The following PRKN variants were observed in gnomAD, a reference collection of about 807,000 sequenced individuals.
PRKN encodes parkin RBR E3 ubiquitin protein ligase.
A neutral mutation model predicts 59.5 loss-of-function variants in PRKN; 56 were observed. That is an observed-to-expected ratio of 0.94 (90% CI 0.76 to 1.18). The LOEUF is 1.18. Ranked by LOEUF, PRKN falls within the 50% of genes most tolerant of loss-of-function variation. The probability of loss-of-function intolerance (pLI) is 0.00; values close to 1 mark genes in which losing one functional copy is unlikely to be tolerated. For missense variants in PRKN, 657 were observed against 596.4 expected (o/e 1.10, Z -1.06); for synonymous variants, 250 against 222.1 (o/e 1.13, Z -1.12).
At chr6:161,678,540 T>C (rs1436835848) in intron 7 of PRKN, among the ~76,000 whole-genome samples, 1 of 151,616 alleles carries the variant, frequency 6.6e-6, no homozygotes, top group East Asian at 1.9e-4. Context: ...CAAAAAACCT[T>C]TAAATTCCAC....
At chr6:161,794,400 C>T (rs1456427364) in intron 6 of PRKN, among the ~76,000 whole-genome samples, 1 of 152,132 alleles carries the variant, frequency 6.6e-6, no homozygotes, top group Non-Finnish European at 1.5e-5. Flanking sequence ...GAGCGTCTGT[C>T]TGGCCAAGAC....
chr6:162,655,883 T>C (rs772895607), intron 1 of PRKN, among the ~76,000 whole-genome samples: 7 of 152,208 alleles, frequency 4.6e-5, no homozygotes, highest in Non-Finnish European at 8.8e-5. Flanking sequence ...AACTGACTTT[T>C]AATTATTCAT....
intron 2 of PRKN, among the ~76,000 whole-genome samples, chr6:162,284,215 CT>C (rs35609309): frequency 0.13 from 9,797 of 75,646 alleles, 732 homozygotes; most frequent in Middle Eastern, 0.28. Context: ...TTATTTCTTT[CT>C]TTTTTTTTTT....
intron 10 of PRKN, among the ~76,000 whole-genome samples, chr6:161,382,773 T>C (rs995449155): frequency 6.6e-6 from 1 of 152,204 alleles, no homozygotes; most frequent in East Asian, 1.9e-4. Flanking sequence ...AATTTTTGAG[T>C]TTGCTTTAAA....
At chr6:161,923,586 T>C (rs1306162914) in intron 6 of PRKN, among the ~76,000 whole-genome samples, 1 of 147,986 alleles carries the variant, frequency 6.8e-6, no homozygotes, top group Non-Finnish European at 1.5e-5. Context: ...TTATCAATTT[T>C]GTGAGATTTC....
Position 162,298,863 on chromosome 6 carries a change from C to A in PRKN, c.172-36098G>T, listed in dbSNP as rs146457906. On this transcript the variant is annotated intron_variant, in intron 2 of 11. Coordinates refer to ENST00000366898, the MANE Select transcript of PRKN (RefSeq NM_004562.3). ...GGTGGAGGAGGGGAGGGCTGGAAGC[C>A]TGGACCTCTGGGAGGTGCTGCCCCG... is the stretch of plus-strand genomic sequence containing the variant. 1.5e-3 allele frequency among the ~76,000 whole-genome samples: 235 copies of A among 152,250 alleles called. 4 individuals are homozygous for A. In the East Asian group the frequency reaches 0.024, roughly 16 times the overall value.
intron 2 of PRKN, among the ~76,000 whole-genome samples, chr6:162,358,696 A>G (rs1422165236): frequency 6.6e-6 from 1 of 152,164 alleles, no homozygotes; most frequent in African/African-American, 2.4e-5. Context: ...GCAGCATATC[A>G]TAAAGTGTCT....
chr6:162,251,906 T>G (rs1002615091), intron 3 of PRKN, among the ~76,000 whole-genome samples: 1 of 152,174 alleles, frequency 6.6e-6, no homozygotes, highest in Admixed American at 6.6e-5. Context: ...AGTTTTCCAT[T>G]TTTTACTAAT....
At chr6:162,716,680 C>T (rs1275224038) in intron 1 of PRKN, among the ~76,000 whole-genome samples, 2 of 151,808 alleles carry the variant, frequency 1.3e-5, no homozygotes, top group African/African-American at 4.8e-5. Context: ...CTTCTTTTGC[C>T]ACCTGAGAAA....
At chr6:162,264,998 T>G (rs560816401) in intron 2 of PRKN, among the ~76,000 whole-genome samples, 1 of 152,266 alleles carries the variant, frequency 6.6e-6, no homozygotes, top group East Asian at 1.9e-4. Context: ...TGATAATAGC[T>G]TTGTAATTAC....
chr6:162,022,271 T>C (rs1370101759), intron 5 of PRKN, among the ~76,000 whole-genome samples: 1 of 152,166 alleles, frequency 6.6e-6, no homozygotes, highest in Non-Finnish European at 1.5e-5. Context: ...CATAATGTTT[T>C]CCATAGAGGT....
At chr6:162,104,813 A>C (rs114635695) in intron 4 of PRKN, among the ~76,000 whole-genome samples, 1 of 152,210 alleles carries the variant, frequency 6.6e-6, no homozygotes, top group Non-Finnish European at 1.5e-5. Context: ...AGATATTTTT[A>C]AAGTAAATGC....
chr6:161,685,477 T>C (rs188358745), intron 7 of PRKN, among the ~76,000 whole-genome samples: 22 of 152,326 alleles, frequency 1.4e-4, no homozygotes, highest in Admixed American at 1.2e-3. Context: ...TTTTCAGACA[T>C]CTAACAGGTC....
intron 7 of PRKN, among the ~76,000 whole-genome samples, chr6:161,716,756 G>A (rs6925073): frequency 4.2e-4 from 64 of 152,300 alleles, no homozygotes; most frequent in Non-Finnish European, 7.5e-4. Context: ...GGAAGGCAGC[G>A]GCAATGCAGT....
intron 7 of PRKN, among the ~76,000 whole-genome samples, chr6:161,645,729 C>A (rs1361240883): frequency 1.3e-5 from 2 of 152,236 alleles, no homozygotes; most frequent in African/African-American, 4.8e-5. Flanking sequence ...AAGTGTCCAT[C>A]ACTTTGTATT....
chr6:161,966,939 C>A (rs1169450064), intron 6 of PRKN, among the ~76,000 whole-genome samples: 3 of 152,216 alleles, frequency 2.0e-5, no homozygotes, highest in African/African-American at 4.8e-5. Context: ...TCAAGCGATT[C>A]TCCTGCCTCA....
intron 1 of PRKN, among the ~76,000 whole-genome samples, chr6:162,500,145 A>G (rs968155399): frequency 1.8e-4 from 27 of 148,664 alleles, no homozygotes; most frequent in African/African-American, 6.7e-4. Context: ...CACACCAAAC[A>G]GCCACAAACA....
At chr6:161,831,986 A>G (rs961878233) in intron 6 of PRKN, among the ~76,000 whole-genome samples, 1 of 152,220 alleles carries the variant, frequency 6.6e-6, no homozygotes, top group African/African-American at 2.4e-5. Context: ...TCCAGGATCC[A>G]GCAACTGTCT....
chr6:162,602,980 A>G (rs1352232040), intron 1 of PRKN, among the ~76,000 whole-genome samples: 1 of 152,138 alleles, frequency 6.6e-6, no homozygotes, highest in Non-Finnish European at 1.5e-5. Context: ...TACCCATCAC[A>G]AGGACCGCAC....
Sources: allele counts gnomAD v4.1 joint callset (sites outside exome capture counted in the v4.1 genomes callset), GRCh38; gene constraint gnomAD v4.1.1; transcripts MANE v1.5; gene names NCBI Gene and HGNC (gene_info 2026-07-23, HGNC 2026-07-21).